Variants in TBXAS1 observed in about 807,000 individuals in gnomAD.
The protein encoded by TBXAS1 is thromboxane-A synthase.
A neutral mutation model predicts 60.7 loss-of-function variants in TBXAS1; 48 were observed. The ratio of observed to expected loss-of-function variants is 0.79; its 90% CI spans 0.63 to 1.01. The LOEUF (loss-of-function observed/expected upper bound fraction) is 1.01, where lower values mean the gene tolerates loss of function less well. TBXAS1 is among the 50% of genes least tolerant of loss of function. The pLI is 0.00. For synonymous variants in TBXAS1, 287 were observed against 269.7 expected (o/e 1.06, Z -0.63); for missense variants, 685 against 686.3 (o/e 1.00, Z 0.02).
At chr7:139,826,938 T>C (rs1476374083), upstream of TBXAS1, among the ~76,000 whole-genome samples, 1 of 152,234 alleles carries the variant, frequency 6.6e-6, no homozygotes, top group Non-Finnish European at 1.5e-5. Flanking sequence ...TTTCAATGAA[T>C]GGCACCTGAT....
chr7:139,786,171 A>G (rs1408072022), intron 3 of TBXAS1, among the ~76,000 whole-genome samples: 1 of 151,308 alleles, frequency 6.6e-6, no homozygotes. Context: ...CTGGATGATG[A>G]TAAGGGAAAT....
At chr7:139,816,963 G>T (rs1379324728) in intron 4 of TBXAS1, among the ~76,000 whole-genome samples, 3 of 152,160 alleles carry the variant, frequency 2.0e-5, no homozygotes, top group Non-Finnish European at 4.4e-5. Flanking sequence ...GCAAGTAGAA[G>T]TCAAGTGTCC....
At chr7:139,893,050 C>A (rs1803770253) in intron 3 of TBXAS1, among the ~76,000 whole-genome samples, 1 of 152,084 alleles carries the variant, frequency 6.6e-6, no homozygotes, top group Non-Finnish European at 1.5e-5. Context: ...TTTTTCCCTG[C>A]CTCTGATTTC....
chr7:139,972,497 A>G (rs1233478946), intron 9 of TBXAS1, among the ~76,000 whole-genome samples: 2 of 152,206 alleles, frequency 1.3e-5, no homozygotes, highest in Non-Finnish European at 1.5e-5. Context: ...TTAAAACATC[A>G]AAAGAATGGG....
intron 4 of TBXAS1, among the ~76,000 whole-genome samples, chr7:139,811,755 C>T (rs1304331727): frequency 6.6e-6 from 1 of 152,192 alleles, no homozygotes; most frequent in Non-Finnish European, 1.5e-5. Flanking sequence ...CTGGATTTGA[C>T]TGCTTTATAA....
chr7:139,801,819 A>C (rs1318397807), intron 4 of TBXAS1, among the ~76,000 whole-genome samples: 1 of 151,994 alleles, frequency 6.6e-6, no homozygotes, highest in South Asian at 2.1e-4. Flanking sequence ...GCTAGAGTGC[A>C]GTGGCCTGAT....
intron 4 of TBXAS1, among the ~76,000 whole-genome samples, chr7:139,930,083 T>C (rs560138524): frequency 6.6e-6 from 1 of 151,996 alleles, no homozygotes; most frequent in African/African-American, 2.4e-5. Context: ...CCGCGCCACA[T>C]CCTTAAGGGT....
intron 3 of TBXAS1, among the ~76,000 whole-genome samples, chr7:139,786,472 C>G (rs1797203018): frequency 6.6e-6 from 1 of 152,126 alleles, no homozygotes; most frequent in African/African-American, 2.4e-5. Context: ...TGAAAAGTTT[C>G]ACAGATAGAC....
At chr7:140,002,850 G>A (rs747047926) in intron 9 of TBXAS1, among the ~76,000 whole-genome samples, 24 of 152,060 alleles carry the variant, frequency 1.6e-4, no homozygotes, top group Non-Finnish European at 3.4e-4. Flanking sequence ...CTGGCTGGGC[G>A]CGGTGGCTCA....
At chr7:139,858,615 T>C (rs957977311) in intron 1 of TBXAS1, among the ~76,000 whole-genome samples, 28 of 152,326 alleles carry the variant, frequency 1.8e-4, no homozygotes, top group African/African-American at 5.8e-4. Context: ...TGCAGCATCC[T>C]GGTACCCGGA....
chr7:139,962,729 C>A (rs191066529), intron 9 of TBXAS1: 7 of 185,856 alleles, frequency 3.8e-5, no homozygotes, highest in Non-Finnish European at 6.8e-5. Flanking sequence ...AGATGGGGCC[C>A]GTCAGCGCCC....
chr7:139,953,389 G>C lies in TBXAS1; in HGVS notation c.472G>C (p.Ala158Pro). The change falls in exon 6 of 13, where the codon GCC becomes CCC. Residue 158 changes from alanine (A) to proline (P), a missense_variant. Ala to Pro is a conservative substitution (Grantham distance 27). Transcript: ENST00000448866. ...LNEMVPLISQ[A>P]CDLLLAHLKR... is the part of the protein sequence containing the mutation. ...TCAGATGGTTCCCCTCATCAGCCAA[G>C]CCTGCGACCTTCTCCTGGCTCATTT... is the stretch of plus-strand genomic sequence containing the variant. 1.2e-6 allele frequency: 2 copies of C among 1,614,156 alleles called. No individual in the cohort carries two copies. The highest frequency in any genetic ancestry group is 1.7e-6 in the Non-Finnish European group (2 of 1,179,994).
intron 4 of TBXAS1, among the ~76,000 whole-genome samples, chr7:139,814,211 T>G (rs1405493005): frequency 3.3e-5 from 5 of 152,246 alleles, no homozygotes; most frequent in African/African-American, 1.2e-4. Context: ...CAACTCAGCC[T>G]ATGGCTCAGA....
chr7:139,892,720 C>G (rs1279135005), intron 3 of TBXAS1, among the ~76,000 whole-genome samples: 2 of 152,178 alleles, frequency 1.3e-5, no homozygotes, highest in African/African-American at 4.8e-5. Context: ...GCAGACTGTC[C>G]AAGTATCAGG....
chr7:139,959,342 G>A (rs41728), intron 8 of TBXAS1, among the ~76,000 whole-genome samples: 127,942 of 152,144 alleles, frequency 0.84, 53,963 homozygotes, highest in Non-Finnish European at 0.87. Context: ...GTGAAAATGC[G>A]GCACAGATGT....
chr7:139,883,889 T>TA (rs1317133924), intron 3 of TBXAS1, among the ~76,000 whole-genome samples: 1 of 152,206 alleles, frequency 6.6e-6, no homozygotes, highest in East Asian at 1.9e-4. Context: ...ATTCTATCTG[T>TA]AAAAAATAAA....
At chr7:140,003,495 G>A (rs1162152300) in intron 9 of TBXAS1, among the ~76,000 whole-genome samples, 1 of 152,190 alleles carries the variant, frequency 6.6e-6, no homozygotes, top group African/African-American at 2.4e-5. Flanking sequence ...GTGAGCCACC[G>A]CACCTGGCCT....
chr7:139,859,164 C>T (rs1379118563), intron 1 of TBXAS1, among the ~76,000 whole-genome samples: 2 of 151,276 alleles, frequency 1.3e-5, no homozygotes, highest in African/African-American at 4.9e-5. Flanking sequence ...CGTGAGCCAC[C>T]GTGCCCGGCC....
At position 139,952,535 on chromosome 7, in the gene TBXAS1, T is replaced by C. The variant is rs200331756; in HGVS notation, c.451-833T>C. The C allele has an allele frequency of 1.6e-4, 241 of 1,536,504 alleles. 1 individual carries two copies. Among genetic ancestry groups the C allele is most frequent in the Non-Finnish European group, 1.8e-4 (201 of 1,146,526 alleles). ...GAATGGGCAGCGAATAAAATGATTC[T>C]GCTCGATATTTTCAGCTTGGCCTTT... is the stretch of plus-strand genomic sequence containing the variant. On this transcript the variant is annotated intron_variant, in intron 5 of 12. Transcript: ENST00000448866.
Sources: gnomAD v4.1 joint callset for allele counts (sites outside exome capture counted in the v4.1 genomes callset) on GRCh38, gnomAD v4.1.1 for gene constraint, MANE v1.5 for transcripts, NCBI Gene and HGNC (gene_info 2026-07-23, HGNC 2026-07-21) for gene names.